The following CRYBG1 variants were observed in gnomAD, a reference collection of about 807,000 sequenced individuals.
The protein encoded by CRYBG1 is beta/gamma crystallin domain-containing protein 1.
CRYBG1 carries 139 observed loss-of-function variants against 189.2 expected under a neutral mutation model. The observed-to-expected ratio is 0.73, with a 90% confidence interval of 0.64 to 0.85. The LOEUF (loss-of-function observed/expected upper bound fraction) is 0.85, where lower values mean the gene tolerates loss of function less well. Ranked by LOEUF, CRYBG1 falls within the 40% of genes least tolerant of loss-of-function variation. The pLI, the probability that CRYBG1 is intolerant of heterozygous loss-of-function variation, is 0.00. For synonymous variants in CRYBG1, 1,023 were observed against 1,017.1 expected, an observed-to-expected ratio of 1.01 and a Z score of -0.11; for missense variants, 2,611 against 2,675.8, an observed-to-expected ratio of 0.98 and a Z score of 0.53.
chr6:106,497,516 G>T (rs1772879756), intron 2 of CRYBG1, among the ~76,000 whole-genome samples: 1 of 152,142 alleles, frequency 6.6e-6, no homozygotes, highest in Non-Finnish European at 1.5e-5. Context: ...CTCTTTCTGT[G>T]TCTGAGGGGA....
intron 2 of CRYBG1, among the ~76,000 whole-genome samples, chr6:106,492,802 G>T (rs1772754909): frequency 6.6e-6 from 1 of 151,960 alleles, no homozygotes; most frequent in African/African-American, 2.4e-5. Flanking sequence ...TAAGAGACTT[G>T]TCCTTTAATC....
At chr6:106,366,501 T>A (rs9398080) in intron 1 of CRYBG1, among the ~76,000 whole-genome samples, 100,873 of 151,530 alleles carry the variant, frequency 0.67, 33,739 homozygotes, top group African/African-American at 0.74. Flanking sequence ...ATATATTTTT[T>A]AAAAATGACT....
rs537693200 is a variant in CRYBG1, at chr6:106,525,049, C to G, written c.4246-84C>G. On this transcript the variant is annotated intron_variant, in intron 4 of 21. Transcript: ENST00000633556. ...CGATACAATGTGGGAAAAGTGTGAT[C>G]TACCTACAGGATCGTGGGTGGAAAA... 224 of 1,369,642 alleles carry G rather than the reference C, an allele frequency of 1.6e-4. 5 individuals are homozygous for G. The South Asian group carries it at 2.1e-3, about 13-fold the overall frequency. 84.8% of individuals were successfully genotyped at this position (1,369,642 alleles called of 1,614,324 possible).
intron 10 of CRYBG1, among the ~76,000 whole-genome samples, chr6:106,541,951 C>T (rs999100066): frequency 2.0e-5 from 3 of 152,000 alleles, no homozygotes; most frequent in African/African-American, 7.3e-5. Flanking sequence ...GCCAATTAGC[C>T]AGGAAAAAAC....
At chr6:106,495,087 G>T (rs760623733) in intron 2 of CRYBG1, among the ~76,000 whole-genome samples, 27 of 152,104 alleles carry the variant, frequency 1.8e-4, no homozygotes, top group Non-Finnish European at 3.4e-4. Context: ...CAGCAATTTT[G>T]GTTCAGTGTC....
rs1227074733 is a variant in CRYBG1, at chr6:106,571,677, C to T, written c.*3111C>T. 4 of 259,332 alleles carry T rather than the reference C, an allele frequency of 1.5e-5. No individual in the cohort carries two copies. The highest frequency in any genetic ancestry group is 3.0e-5 in the Non-Finnish European group (4 of 131,882). The allele number at this position is 259,332 out of a possible 1,614,324, so 16.1% of individuals were successfully genotyped here. On this transcript the variant is annotated 3_prime_UTR_variant, in exon 22 of 22. Coordinates refer to ENST00000633556, the MANE Select transcript of CRYBG1 (RefSeq NM_001371242.2). Reference sequence around the variant, plus strand: ...CTGCACTCCAGCCTGGGTGACACAGCGAGACCCTGTCTCTAAAACAAAAAA... The same window carrying T: ...CTGCACTCCAGCCTGGGTGACACAGTGAGACCCTGTCTCTAAAACAAAAAA...
chr6:106,502,811 A>C (rs540396832), intron 2 of CRYBG1, among the ~76,000 whole-genome samples: 2 of 145,714 alleles, frequency 1.4e-5, no homozygotes, highest in Admixed American at 1.4e-4. Flanking sequence ...TAAGGAAGCC[A>C]AGAAGGGCTA....
At chr6:106,439,568 C>T (rs1367231736) in intron 1 of CRYBG1, among the ~76,000 whole-genome samples, 1 of 152,068 alleles carries the variant, frequency 6.6e-6, no homozygotes, top group African/African-American at 2.4e-5. Flanking sequence ...CTCAAGAGTC[C>T]TCATCATTCT....
intron 1 of CRYBG1, 73 bp from the exon 2 acceptor site, chr6:106,451,621 A>G: frequency 7.5e-7 from 1 of 1,327,032 alleles, no homozygotes; most frequent in Admixed American, 2.8e-5. Context: ...ATGGAGAAAT[A>G]TGCCTTTGGG....
At chr6:106,527,281 G>T (rs375082808) in intron 6 of CRYBG1, 24 bp from the exon 7 acceptor site, 70 of 1,593,476 alleles carry the variant, frequency 4.4e-5, no homozygotes, top group Non-Finnish European at 5.7e-5. Flanking sequence ...ACTGACTAAT[G>T]GTTTTGCTGT....
intron 7 of CRYBG1, among the ~76,000 whole-genome samples, chr6:106,529,909 A>G (rs1445081072): frequency 1.3e-5 from 2 of 152,236 alleles, no homozygotes; most frequent in Non-Finnish European, 2.9e-5. Context: ...AATATATTCC[A>G]AAACTCAAAT....
chr6:106,531,360 T>C (rs542611080), intron 8 of CRYBG1, among the ~76,000 whole-genome samples: 1 of 152,370 alleles, frequency 6.6e-6, no homozygotes, highest in Non-Finnish European at 1.5e-5. Context: ...TGGTAGCAGC[T>C]ATCCTTGAAT....
At chr6:106,517,327 T>TACAC (rs1554188207) in intron 3 of CRYBG1, among the ~76,000 whole-genome samples, 2,368 of 117,060 alleles carry the variant, frequency 0.02, 81 homozygotes, top group African/African-American at 0.073. Context: ...CATATATATA[T>TACAC]ACACATATAT....
chr6:106,474,092 C>A (rs987797922), intron 2 of CRYBG1, among the ~76,000 whole-genome samples: 24 of 152,338 alleles, frequency 1.6e-4, no homozygotes, highest in African/African-American at 5.5e-4. Context: ...GTTGATTACA[C>A]AATGTATCTG....
rs996430798 is a variant in CRYBG1, at chr6:106,462,365, T to C, written c.312+10533T>C. On this transcript the variant is annotated intron_variant, in intron 2 of 21. Transcript: ENST00000633556. ...TTTTGTATTTTTAGTAGAGACAGGG[T>C]TTACGCCGTGGTCTCGATCTCCTGA... Among the ~76,000 whole-genome samples, 12 of 152,226 alleles carry C rather than the reference T, an allele frequency of 7.9e-5. No homozygotes were observed. In the East Asian group the frequency reaches 2.3e-3, roughly 29 times the overall value.
intron 1 of CRYBG1, among the ~76,000 whole-genome samples, chr6:106,423,100 C>A (rs1333089940): frequency 6.6e-6 from 1 of 152,080 alleles, no homozygotes; most frequent in African/African-American, 2.4e-5. Context: ...TGGAAAGAAT[C>A]CATTTACCTT....
intron 1 of CRYBG1, among the ~76,000 whole-genome samples, chr6:106,371,711 C>T (rs533685): frequency 0.81 from 123,042 of 152,156 alleles, 52,597 homozygotes; most frequent in East Asian, 0.98. Context: ...TTGTCTAAAA[C>T]TAGATTTTGG....
chr6:106,431,138 A>G (rs571493378), intron 1 of CRYBG1, among the ~76,000 whole-genome samples: 1 of 152,280 alleles, frequency 6.6e-6, no homozygotes, highest in East Asian at 1.9e-4. Flanking sequence ...CTGGGATTAC[A>G]GACTTGAGCC....
chr6:106,557,779 C>T lies in CRYBG1; in HGVS notation c.5716-707C>T, dbSNP rs1774589507. Reference sequence around the variant, plus strand: ...TCATTTATGATCTTAGCAGTACTATCATTAGAGATTAATGTAGAATCAAAA... The same window carrying T: ...TCATTTATGATCTTAGCAGTACTATTATTAGAGATTAATGTAGAATCAAAA... On this transcript the variant is annotated intron_variant, in intron 17 of 21. Transcript: ENST00000633556. 2.0e-5 allele frequency among the ~76,000 whole-genome samples: 3 copies of T among 152,184 alleles called. 1 individual carries two copies. In the South Asian group the frequency reaches 6.2e-4, roughly 32 times the overall value.
Sources: gnomAD v4.1 joint callset for allele counts (sites outside exome capture counted in the v4.1 genomes callset) on GRCh38, gnomAD v4.1.1 for gene constraint, MANE v1.5 for transcripts, NCBI Gene and HGNC (gene_info 2026-07-23, HGNC 2026-07-21) for gene names.